Variants in ATF7 observed in about 807,000 individuals in gnomAD.
ATF7 encodes the protein activating transcription factor 7.
Under a neutral mutation model 50.4 loss-of-function variants are expected in ATF7, and 10 were observed. The ratio of observed to expected loss-of-function variants is 0.20; its 90% CI spans 0.12 to 0.34. The LOEUF (loss-of-function observed/expected upper bound fraction) is 0.34, where lower values mean the gene tolerates loss of function less well. ATF7 is among the 10% of genes least tolerant of loss of function. ATF7 has a pLI of 1.00. For missense variants in ATF7, 465 were observed against 613.9 expected (o/e 0.76, Z 2.56); for synonymous variants, 201 against 226.4 (o/e 0.89, Z 1.01).
intron 1 of ATF7, among the ~76,000 whole-genome samples, chr12:53,620,575 C>CAAAAAAAAAAA (rs34516346): frequency 4.0e-5 from 3 of 75,766 alleles, no homozygotes; most frequent in African/African-American, 5.5e-5. Context: ...GACTCCGTCT[C>CAAAAAAAAAAA]AAAAAAAAAA....
intron 3 of ATF7, among the ~76,000 whole-genome samples, chr12:53,545,483 C>T (rs545892673): frequency 3.3e-5 from 5 of 152,032 alleles, no homozygotes; most frequent in South Asian, 2.1e-4. Context: ...ATTGCAGGCG[C>T]GCGCCACTAT....
intron 2 of ATF7, among the ~76,000 whole-genome samples, chr12:53,572,770 G>C (rs896000271): frequency 6.6e-6 from 1 of 151,738 alleles, no homozygotes; most frequent in Admixed American, 6.6e-5. Context: ...GATAGAGTGA[G>C]ACCCTGCCTC....
chr12:53,541,045 TAGTTTA>T, intron 4 of ATF7, among the ~76,000 whole-genome samples: 1 of 152,304 alleles, frequency 6.6e-6, no homozygotes, highest in East Asian at 1.9e-4. Flanking sequence ...CTCTTTCTGT[TAGTTTA>T]AGGGAGATAG....
intron 3 of ATF7, among the ~76,000 whole-genome samples, chr12:53,545,524 C>T (rs1355896316): frequency 6.6e-6 from 1 of 151,898 alleles, no homozygotes; most frequent in Non-Finnish European, 1.5e-5. Flanking sequence ...TTAGTAGAGA[C>T]GGGGTTTCTC....
Position 53,574,718 on chromosome 12 carries a change from G to A in ATF7, c.49-22081C>T, listed in dbSNP as rs75651243. On this transcript the variant is annotated intron_variant, in intron 2 of 11. Transcript: ENST00000420353. ...CTAAATCCTGGTTTATAAGAGACAG[G>A]CAGACTTCAAGGGTTGTCTCCTAAG... is the stretch of plus-strand genomic sequence containing the variant. The A allele has an allele frequency of 4.9e-3, 796 of 163,010 alleles. 9 individuals carry two copies. The highest frequency in any genetic ancestry group is 0.018 in the African/African-American group (766 of 41,626). 10.1% of individuals were successfully genotyped at this position (163,010 alleles called of 1,614,324 possible). A position where few individuals can be genotyped will look rare whatever the true frequency, so the allele number is the denominator to read the frequency against.
rs530842094 is a variant in ATF7, at chr12:53,551,965, G to A, written c.145+576C>T. Among the ~76,000 whole-genome samples, 3 of 152,330 alleles carry A rather than the reference G, an allele frequency of 2.0e-5. No individual in the cohort carries two copies. The East Asian group carries it at 5.8e-4, about 29-fold the overall frequency. On this transcript the variant is annotated intron_variant, in intron 3 of 11. Transcript: ENST00000420353. ...GAGAATGGCATATACAAGCAAGACA[G>A]TATCTAAAACAACTGCTGAGAGGTT...
chr12:53,592,498 A>G (rs1942987147), intron 2 of ATF7, among the ~76,000 whole-genome samples: 1 of 152,192 alleles, frequency 6.6e-6, no homozygotes, highest in South Asian at 2.1e-4. Flanking sequence ...GAAACAGAAA[A>G]CCATTCTACA....
At chr12:53,546,040 A>C (rs898533959) in intron 3 of ATF7, among the ~76,000 whole-genome samples, 1 of 152,086 alleles carries the variant, frequency 6.6e-6, no homozygotes, top group Non-Finnish European at 1.5e-5. Context: ...TAAAAATACA[A>C]AATTAGCCAG....
At chr12:53,570,784 A>G (rs1941708672) in intron 2 of ATF7, among the ~76,000 whole-genome samples, 1 of 145,972 alleles carries the variant, frequency 6.9e-6, no homozygotes, top group African/African-American at 2.5e-5. Context: ...TGTATGTCCA[A>G]TTTCCTCTTT....
chr12:53,519,507 GC>G (rs1249342720), intron 11 of ATF7, among the ~76,000 whole-genome samples: 1 of 151,996 alleles, frequency 6.6e-6, no homozygotes, highest in African/African-American at 2.4e-5. Context: ...TTGGAGACTA[GC>G]CTGGGGAACA....
chr12:53,623,518 T>C (rs1285906122), intron 1 of ATF7, among the ~76,000 whole-genome samples: 8 of 152,216 alleles, frequency 5.3e-5, no homozygotes, highest in South Asian at 4.1e-4. Flanking sequence ...ACCTTAACTT[T>C]AGTACTTTTA....
At chr12:53,587,843 A>ATATATATATATATATTTTTTTT in intron 2 of ATF7, among the ~76,000 whole-genome samples, 9 of 61,566 alleles carry the variant, frequency 1.5e-4, no homozygotes, top group African/African-American at 3.6e-4. Flanking sequence ...ATATATATAT[A>ATATATATATATATATTTTTTTT]TTTTTTTTTT....
At chr12:53,549,000 A>G in intron 3 of ATF7, among the ~76,000 whole-genome samples, 1 of 151,902 alleles carries the variant, frequency 6.6e-6, no homozygotes, top group Non-Finnish European at 1.5e-5. Flanking sequence ...AATACCCCCC[A>G]AAACGGCCGG....
At position 53,532,872 on chromosome 12, in the gene ATF7, T is replaced by A. The variant is rs6580950; in HGVS notation, c.661-249A>T. Among the ~76,000 whole-genome samples the A allele has an allele frequency of 0.55, 83,475 of 151,906 alleles. 23,716 individuals are homozygous for A. Among genetic ancestry groups the A allele is most frequent in the East Asian group, 0.96 (4,950 of 5,182 alleles). On this transcript the variant is annotated intron_variant, in intron 7 of 11. Transcript: ENST00000420353. ...GGTTGGGGCTGTTATCTTGAGGAAA[T>A]TGTTGGGCAATTTGGGAGGTGCTAC...
chr12:53,532,639 G>GA lies in ATF7; in HGVS notation c.661-17dup, dbSNP rs111391259. 142,261 of 1,079,704 alleles carry GA rather than the reference G, an allele frequency of 0.13. 3 individuals are homozygous for GA. Among genetic ancestry groups the GA allele is most frequent in the Non-Finnish European group, 0.15 (113,561 of 782,380 alleles). 66.9% of individuals were successfully genotyped at this position (1,079,704 alleles called of 1,614,324 possible). On this transcript the variant is annotated splice_polypyrimidine_tract_variant and intron_variant, in intron 7 of 11. Coordinates refer to ENST00000420353, the MANE Select transcript of ATF7 (RefSeq NM_006856.3). ...GTCTGGCCAGCTGGATCGAGAGAAG[G>GA]AAAAAAAAAAAAAGAGAAGGGAACA... is the stretch of plus-strand genomic sequence containing the variant.
At chr12:53,597,322 C>T (rs1300911631) in intron 2 of ATF7, among the ~76,000 whole-genome samples, 1 of 152,012 alleles carries the variant, frequency 6.6e-6, no homozygotes, top group Non-Finnish European at 1.5e-5. Context: ...GTTTACGTAT[C>T]CATTGAAAGC....
intron 2 of ATF7, among the ~76,000 whole-genome samples, chr12:53,580,648 A>G (rs1942374603): frequency 7.0e-6 from 1 of 142,526 alleles, no homozygotes. Context: ...TGGGTGACAG[A>G]GCGAGACTCC....
chr12:53,568,400 ACT>A (rs370625381), intron 2 of ATF7, among the ~76,000 whole-genome samples: 6 of 151,216 alleles, frequency 4.0e-5, no homozygotes, highest in South Asian at 2.1e-4. Flanking sequence ...ACGCACACAC[ACT>A]CTCTCTCTCT....
chr12:53,577,664 C>G (rs1352475024), intron 2 of ATF7, among the ~76,000 whole-genome samples: 1 of 147,278 alleles, frequency 6.8e-6, no homozygotes, highest in Non-Finnish European at 1.5e-5. Flanking sequence ...TGCAGTGAGC[C>G]GAGATAGCGC....
Sources: gnomAD v4.1 joint callset for allele counts (sites outside exome capture counted in the v4.1 genomes callset) on GRCh38, gnomAD v4.1.1 for gene constraint, MANE v1.5 for transcripts, NCBI Gene and HGNC (gene_info 2026-07-23, HGNC 2026-07-21) for gene names.